The following MRPL47 variants were observed in gnomAD, a reference collection of about 807,000 sequenced individuals.
MRPL47 encodes the protein mitochondrial ribosomal protein L47.
MRPL47 carries 31 observed loss-of-function variants against 34.0 expected under a neutral mutation model. The observed-to-expected ratio is 0.91, with a 90% CI of 0.68 to 1.23. The LOEUF is 1.23. MRPL47 is among the 50% of genes most tolerant of loss of function. The probability of loss-of-function intolerance (pLI) is 0.00; values close to 1 mark genes in which losing one functional copy is unlikely to be tolerated. For synonymous variants in MRPL47, 106 were observed against 101.6 expected (o/e 1.04, Z -0.26); for missense variants, 328 against 285.8 (o/e 1.15, Z -1.07).
chr3:179,596,125 A>G (rs770661833), intron 4 of MRPL47, among the ~76,000 whole-genome samples: 45 of 152,380 alleles, frequency 3.0e-4, no homozygotes, highest in Admixed American at 6.5e-4. Context: ...TTAATACTTT[A>G]GTTACAATCA....
chr3:179,588,693 G>A lies in MRPL47; in HGVS notation c.*179C>T. 1 of 490,516 alleles carries A rather than the reference G, an allele frequency of 2.0e-6. No homozygotes were observed. The highest frequency in any genetic ancestry group is 3.4e-5 in the East Asian group (1 of 29,712). 30.4% of individuals were successfully genotyped at this position (490,516 alleles called of 1,614,324 possible). ...ATCTGAACTTTATACCTGATTTTTA[G>A]AAGCAAATTAGCTTCTACCAAATTA... On this transcript the variant is annotated 3_prime_UTR_variant, in exon 7 of 7. Coordinates refer to ENST00000476781, the MANE Select transcript of MRPL47 (RefSeq NM_020409.3).
chr3:179,595,465 G>T (rs941777384), intron 4 of MRPL47, among the ~76,000 whole-genome samples: 1 of 152,154 alleles, frequency 6.6e-6, no homozygotes, highest in Non-Finnish European at 1.5e-5. Flanking sequence ...CAAAATCCCT[G>T]AAAAAGAAAT....
chr3:179,603,702 T>G (rs1023993863), intron 1 of MRPL47, among the ~76,000 whole-genome samples: 6 of 152,202 alleles, frequency 3.9e-5, no homozygotes, highest in African/African-American at 1.2e-4. Flanking sequence ...CTATATAGGA[T>G]GTCAAGTTTT....
chr3:179,590,148 G>C lies in MRPL47; in HGVS notation c.630-1153C>G, dbSNP rs1718638122. ...GAGGTCAAGAGATCAAGACCATCCT[G>C]GCCAACATGGTGAAACCCTGTCTCT... On this transcript the variant is annotated intron_variant, in intron 6 of 6. Coordinates refer to ENST00000476781, the MANE Select transcript of MRPL47 (RefSeq NM_020409.3). Among the ~76,000 whole-genome samples the C allele has an allele frequency of 2.0e-5, 3 of 152,120 alleles. No individual in the cohort carries two copies. In the South Asian group the frequency reaches 6.2e-4, roughly 31 times the overall value.
chr3:179,599,604 G>A (rs1560019830), intron 3 of MRPL47, among the ~76,000 whole-genome samples: 2 of 152,226 alleles, frequency 1.3e-5, no homozygotes, highest in South Asian at 2.1e-4. Context: ...ACTCCACCAC[G>A]CTGCTTCTGA....
rs556573031 is a variant in MRPL47, at chr3:179,602,080, A to G, written c.245-290T>C. ...TATAAATTAACTGGGGCGGTGGTTC[A>G]CACCTGTATTCCCAACGCTTTGGGA... On this transcript the variant is annotated intron_variant, in intron 2 of 6. Transcript: ENST00000476781. Among the ~76,000 whole-genome samples, 15 of 152,354 alleles carry G rather than the reference A, an allele frequency of 9.8e-5. No homozygotes were observed. The East Asian group carries it at 2.9e-3, about 29-fold the overall frequency.
chr3:179,600,449 T>C (rs1005041185), intron 3 of MRPL47, among the ~76,000 whole-genome samples: 6 of 152,082 alleles, frequency 3.9e-5, no homozygotes, highest in Non-Finnish European at 8.8e-5. Flanking sequence ...AAGACTAGCC[T>C]GGCCAATGTG....
chr3:179,602,330 G>A (rs1718944983), intron 2 of MRPL47, among the ~76,000 whole-genome samples: 1 of 151,998 alleles, frequency 6.6e-6, no homozygotes. Context: ...GGCAACAAGA[G>A]CAAAACTCCA....
Position 179,588,365 on chromosome 3 carries a change from A to G in MRPL47, c.*507T>C. ...AGTTACTGCCTATGCTTTTTACCTT[A>G]GGCTTACAGAATTAAATAAAAATTA... is the stretch of plus-strand genomic sequence containing the variant. On this transcript the variant is annotated 3_prime_UTR_variant, in exon 7 of 7. Transcript: ENST00000476781. The G allele has an allele frequency of 5.0e-6, 1 of 198,780 alleles. No individual in the cohort carries two copies. The highest frequency in any genetic ancestry group is 1.0e-5 in the Non-Finnish European group (1 of 99,904). 12.3% of individuals were successfully genotyped at this position (198,780 alleles called of 1,614,324 possible).
At chr3:179,598,496 T>G (rs1718848105) in intron 4 of MRPL47, among the ~76,000 whole-genome samples, 179 bp downstream of exon 4, 1 of 151,354 alleles carries the variant, frequency 6.6e-6, no homozygotes, top group Non-Finnish European at 1.5e-5. Context: ...AGTATGAGAT[T>G]TCTTTTAGGG....
intron 2 of MRPL47, among the ~76,000 whole-genome samples, chr3:179,602,406 C>G (rs1718946354): frequency 1.3e-5 from 2 of 151,980 alleles, no homozygotes; most frequent in Admixed American, 1.3e-4. Context: ...AGCCCTAAAC[C>G]TTACTTTAGT....
intron 4 of MRPL47, among the ~76,000 whole-genome samples, chr3:179,596,921 CT>C (rs1425906538): frequency 1.3e-5 from 2 of 152,130 alleles, no homozygotes; most frequent in African/African-American, 4.8e-5. Context: ...GCTAACAGAA[CT>C]GTATCAATGT....
At chr3:179,603,340 C>A (rs1718974905) in intron 1 of MRPL47, among the ~76,000 whole-genome samples, 2 of 151,872 alleles carry the variant, frequency 1.3e-5, no homozygotes, top group African/African-American at 4.8e-5. Context: ...GAGCTCAAGA[C>A]CAGCCTGGGC....
At chr3:179,592,764 T>C (rs1718705677) in intron 5 of MRPL47, 25 bp from the exon 6 acceptor site, 1 of 1,469,696 alleles carries the variant, frequency 6.8e-7, no homozygotes, top group African/African-American at 1.4e-5. Context: ...AAAAGTTATT[T>C]GCCTTAAAGA....
chr3:179,602,939 T>C (rs149187734), intron 1 of MRPL47, 142 bp from the exon 2 acceptor site: 8 of 672,440 alleles, frequency 1.2e-5, no homozygotes, highest in Non-Finnish European at 1.9e-5. Flanking sequence ...CAAGAATTAA[T>C]TTTTTTTTCT....
intron 3 of MRPL47, 117 bp downstream of exon 3, chr3:179,601,613 A>T: frequency 1.5e-6 from 1 of 669,456 alleles, no homozygotes; most frequent in South Asian, 1.8e-5. Flanking sequence ...TATCATCCAT[A>T]GTACTACAAA....
At chr3:179,597,756 C>G (rs532466971) in intron 4 of MRPL47, among the ~76,000 whole-genome samples, 1 of 151,888 alleles carries the variant, frequency 6.6e-6, no homozygotes, top group Admixed American at 6.6e-5. Flanking sequence ...TGCAGCAAGC[C>G]GAGACTGTGC....
At chr3:179,590,263 C>T (rs1270920466) in intron 6 of MRPL47, among the ~76,000 whole-genome samples, 1 of 151,350 alleles carries the variant, frequency 6.6e-6, no homozygotes, top group Non-Finnish European at 1.5e-5. Context: ...CGCTAGAACC[C>T]GGGAGGTGGA....
At chr3:179,597,790 A>G (rs1304390337) in intron 4 of MRPL47, among the ~76,000 whole-genome samples, 2 of 152,134 alleles carry the variant, frequency 1.3e-5, no homozygotes, top group African/African-American at 4.8e-5. Flanking sequence ...CCTGGACAAC[A>G]AGAGCAAAAC....
Sources: gnomAD v4.1 joint callset for allele counts (sites outside exome capture counted in the v4.1 genomes callset) on GRCh38, gnomAD v4.1.1 for gene constraint, MANE v1.5 for transcripts, NCBI Gene and HGNC (gene_info 2026-07-23, HGNC 2026-07-21) for gene names.